The following STX2 variants were observed in gnomAD, a reference collection of about 807,000 sequenced individuals.
The protein encoded by STX2 is syntaxin-2.
In STX2, 27 loss-of-function variants were observed where a neutral mutation model predicts 40.6. The ratio of observed to expected loss-of-function variants is 0.66; its 90% confidence interval spans 0.49 to 0.92. STX2 has a LOEUF of 0.92. STX2 is among the 40% of genes least tolerant of loss of function. The probability of loss-of-function intolerance (pLI) is 0.00; values close to 1 mark genes in which losing one functional copy is unlikely to be tolerated. For synonymous variants in STX2, 123 were observed against 119.1 expected, an observed-to-expected ratio of 1.03 and a Z score of -0.22; for missense variants, 328 against 366.1, an observed-to-expected ratio of 0.90 and a Z score of 0.85.
chr12:130,835,869 T>C (rs1952740266), intron 1 of STX2, among the ~76,000 whole-genome samples: 1 of 151,426 alleles, frequency 6.6e-6, no homozygotes, highest in African/African-American at 2.5e-5. Flanking sequence ...AGAAACTACA[T>C]CTGTCAGTAC....
chr12:130,803,835 C>T (rs1301132455), intron 6 of STX2, among the ~76,000 whole-genome samples: 2 of 152,190 alleles, frequency 1.3e-5, no homozygotes, highest in Non-Finnish European at 2.9e-5. Flanking sequence ...AAATCCACAA[C>T]ATTATGAAAA....
At chr12:130,805,756 AG>A (rs1951407816) in intron 6 of STX2, among the ~76,000 whole-genome samples, 1 of 152,232 alleles carries the variant, frequency 6.6e-6, no homozygotes, top group South Asian at 2.1e-4. Flanking sequence ...AAGCCCAAGG[AG>A]ATTTACAAAA....
chr12:130,789,798 T>C lies in STX2; in HGVS notation c.*2225A>G, dbSNP rs560741303. On this transcript the variant is annotated 3_prime_UTR_variant, in exon 11 of 11. Coordinates refer to ENST00000392373, the MANE Select transcript of STX2 (RefSeq NM_194356.4). ...ATTTTTAAGTCTGACTTCAAATCGGTACATGAGGCTTAGACATACACATCA... is the reference window on the plus strand; with the variant it reads ...ATTTTTAAGTCTGACTTCAAATCGGCACATGAGGCTTAGACATACACATCA... The C allele has an allele frequency of 1.3e-5, 2 of 152,746 alleles. No individual in the cohort carries two copies. Among genetic ancestry groups the C allele is most frequent in the Non-Finnish European group, 2.9e-5 (2 of 68,032 alleles). 9.5% of individuals were successfully genotyped at this position (152,746 alleles called of 1,614,324 possible).
chr12:130,818,185 A>ATATATATATATATATATATAT (rs1555222352), intron 3 of STX2, among the ~76,000 whole-genome samples: 21 of 70,532 alleles, frequency 3.0e-4, no homozygotes, highest in African/African-American at 7.1e-4. Flanking sequence ...AAAAAAAAAA[A>ATATATATATATATATATATAT]ATATATATAT....
At chr12:130,794,822 C>A (rs923809636) in intron 10 of STX2, among the ~76,000 whole-genome samples, 1 of 152,188 alleles carries the variant, frequency 6.6e-6, no homozygotes, top group East Asian at 1.9e-4. Flanking sequence ...ATCAAGTCTG[C>A]AGTCACTTCC....
At chr12:130,820,132 A>C (rs1952056101) in intron 3 of STX2, among the ~76,000 whole-genome samples, 1 of 152,174 alleles carries the variant, frequency 6.6e-6, no homozygotes. Context: ...CCCCATCACC[A>C]CTTCTATTCA....
chr12:130,800,078 G>T (rs1055084735), intron 8 of STX2, among the ~76,000 whole-genome samples: 3 of 152,090 alleles, frequency 2.0e-5, no homozygotes, highest in Non-Finnish European at 4.4e-5. Flanking sequence ...ACTTAGGATG[G>T]TTTGATATAA....
At chr12:130,809,949 T>C (rs1185580289) in intron 4 of STX2, among the ~76,000 whole-genome samples, 2 of 152,028 alleles carry the variant, frequency 1.3e-5, no homozygotes, top group Non-Finnish European at 2.9e-5. Context: ...AGTTCGAGGC[T>C]GTAGTGCGCT....
At chr12:130,805,216 T>C (rs761543640) in intron 6 of STX2, among the ~76,000 whole-genome samples, 18 of 152,178 alleles carry the variant, frequency 1.2e-4, no homozygotes, top group Non-Finnish European at 1.8e-4. Context: ...TCTGCCAGGA[T>C]GGAGCAACAG....
At chr12:130,792,245 G>T (rs1950898867) in intron 10 of STX2, among the ~76,000 whole-genome samples, 3 of 152,078 alleles carry the variant, frequency 2.0e-5, no homozygotes. Context: ...ATTTTTAGTA[G>T]ACACGGGGTT....
chr12:130,828,494 C>A (rs1952416469), intron 1 of STX2, among the ~76,000 whole-genome samples: 1 of 151,106 alleles, frequency 6.6e-6, no homozygotes, highest in Non-Finnish European at 1.5e-5. Context: ...CCCGCCTCAC[C>A]CTCCCAAATT....
Position 130,839,055 on chromosome 12 carries a change from G to T in STX2, c.30+15C>A. 8.0e-7 allele frequency: 1 copy of T among 1,248,628 alleles called. No homozygotes were observed. Among genetic ancestry groups the T allele is most frequent in the Non-Finnish European group, 1.0e-6 (1 of 988,782 alleles). The allele number at this position is 1,248,628 out of a possible 1,614,324, so 77.3% of individuals were successfully genotyped here. A position where few individuals can be genotyped will look rare whatever the true frequency, so the allele number is the denominator to read the frequency against. On this transcript the variant is annotated intron_variant, in intron 1 of 10. Transcript: ENST00000392373. ...CCCGGCCGGGCCTGAACCGCTACCC[G>T]CGGCTGCCGCTCACCGCCGTCAGGT...
At chr12:130,835,732 G>A (rs535499236) in intron 1 of STX2, among the ~76,000 whole-genome samples, 43 of 152,254 alleles carry the variant, frequency 2.8e-4, no homozygotes, top group African/African-American at 9.4e-4. Flanking sequence ...CCTGCTGGAT[G>A]GGCGAGTCTT....
chr12:130,800,510 CTG>C (rs1951186023), intron 8 of STX2, among the ~76,000 whole-genome samples: 2 of 152,218 alleles, frequency 1.3e-5, no homozygotes, highest in Admixed American at 1.3e-4. Context: ...CACTCCCTAT[CTG>C]TGTTACTGGG....
intron 1 of STX2, among the ~76,000 whole-genome samples, chr12:130,833,463 T>G (rs1952648730): frequency 6.8e-6 from 1 of 147,536 alleles, no homozygotes; most frequent in African/African-American, 2.5e-5. Context: ...CAGGCTAGAG[T>G]GCAGTGGCAG....
In STX2 at chr12:130,833,410, CTT is replaced by C. The variant is rs5801939; in HGVS notation, c.30+5658_30+5659del. On this transcript the variant is annotated intron_variant, in intron 1 of 10. Coordinates refer to ENST00000392373, the MANE Select transcript of STX2 (RefSeq NM_194356.4). ...CAAAGCCTGGGAGAAATCACTCTACCTTTTTTTTTTTTTTTTTTGAGATGGAT... is the reference window on the plus strand; with the variant it reads ...CAAAGCCTGGGAGAAATCACTCTACCTTTTTTTTTTTTTTTTGAGATGGAT... 4.9e-3 allele frequency among the ~76,000 whole-genome samples: 589 copies of C among 120,604 alleles called. 3 individuals carry two copies. The highest frequency in any genetic ancestry group is 6.3e-3 in the Non-Finnish European group (353 of 55,884). 79.1% of individuals were successfully genotyped at this position (120,604 alleles called of 152,430 possible). A position where few individuals can be genotyped will look rare whatever the true frequency, so the allele number is the denominator to read the frequency against.
intron 1 of STX2, among the ~76,000 whole-genome samples, chr12:130,838,758 G>A (rs1200990367): frequency 2.6e-5 from 4 of 152,064 alleles, no homozygotes; most frequent in African/African-American, 7.2e-5. Context: ...GCTCGAAGAG[G>A]GGGTCGAGGC....
In STX2 at chr12:130,808,638, C is replaced by A. The variant is rs138039905; in HGVS notation, c.347G>T (p.Arg116Ile). 769 of 1,613,294 alleles carry A rather than the reference C, an allele frequency of 4.8e-4. 2 individuals are homozygous for A. In the African/African-American group the frequency reaches 9.1e-3, roughly 19 times the overall value. The change falls in exon 5 of 11, where the codon AGA becomes ATA. Residue 116 changes from arginine to isoleucine, a missense_variant. Coordinates refer to ENST00000392373, the MANE Select transcript of STX2 (RefSeq NM_194356.4). ...ACGAGGCTGATAGCAAACCTGGGTT[C>A]TTCGTATCCGAAGATCCACTGAAGT... Reference protein sequence around the residue: ...NRTSVDLRIRRTQHSVLSRKF... With the variant: ...NRTSVDLRIRITQHSVLSRKF...
At chr12:130,828,441 T>C (rs1356453900) in intron 1 of STX2, among the ~76,000 whole-genome samples, 1 of 143,140 alleles carries the variant, frequency 7.0e-6, no homozygotes, top group Non-Finnish European at 1.5e-5. Flanking sequence ...GATTTCACCA[T>C]GTTGGCCAGG....
Sources: allele counts gnomAD v4.1 joint callset (sites outside exome capture counted in the v4.1 genomes callset), GRCh38; gene constraint gnomAD v4.1.1; transcripts MANE v1.5; gene names NCBI Gene and HGNC (gene_info 2026-07-23, HGNC 2026-07-21).